The following BMP5 variants were observed in gnomAD, a reference collection of about 807,000 sequenced individuals.
BMP5 encodes the protein bone morphogenetic protein 5.
A neutral mutation model predicts 46.6 loss-of-function variants in BMP5; 23 were observed. The observed-to-expected ratio is 0.49, with a 90% confidence interval of 0.35 to 0.70. The LOEUF (loss-of-function observed/expected upper bound fraction) is 0.70, where lower values mean the gene tolerates loss of function less well. BMP5 is among the 30% of genes least tolerant of loss of function. BMP5 has a pLI of 0.00. For synonymous variants in BMP5, 204 were observed against 191.9 expected (o/e 1.06, Z -0.52); for missense variants, 545 against 565.6 (o/e 0.96, Z 0.37).
intron 2 of BMP5, among the ~76,000 whole-genome samples, chr6:55,815,133 C>CAAAAAAA (rs35015007): frequency 6.4e-5 from 5 of 77,946 alleles, no homozygotes; most frequent in African/African-American, 9.4e-5. Context: ...AACTCCATCT[C>CAAAAAAA]AAAAAAAAAA....
rs186892914 is a variant in BMP5, at chr6:55,772,348, G to A, written c.1027+1701C>T. On this transcript the variant is annotated intron_variant, in intron 4 of 6. Transcript: ENST00000370830. ...AGGACTTTGATGATTTCAGTCACCG[G>A]AACACCTCTGCCAGAGTCATTATGA... Among the ~76,000 whole-genome samples the A allele has an allele frequency of 2.0e-5, 3 of 151,798 alleles. No homozygotes were observed. The South Asian group carries it at 6.2e-4, about 31-fold the overall frequency.
intron 1 of BMP5, among the ~76,000 whole-genome samples, chr6:55,830,741 A>G (rs191252680): frequency 6.6e-6 from 1 of 152,242 alleles, no homozygotes; most frequent in Admixed American, 6.6e-5. Flanking sequence ...TAAATTTACA[A>G]TAGAAAAGGC....
intron 4 of BMP5, among the ~76,000 whole-genome samples, chr6:55,766,140 A>G (rs1774911485): frequency 2.0e-5 from 3 of 152,126 alleles, no homozygotes; most frequent in Non-Finnish European, 2.9e-5. Flanking sequence ...TAATCTAGGT[A>G]TCCTGTTGGA....
chr6:55,864,028 A>G (rs1777581985), intron 1 of BMP5, among the ~76,000 whole-genome samples: 1 of 151,894 alleles, frequency 6.6e-6, no homozygotes, highest in Non-Finnish European at 1.5e-5. Context: ...CCGTGAATGC[A>G]TCACACATAT....
intron 3 of BMP5, among the ~76,000 whole-genome samples, chr6:55,779,302 C>A (rs1775251347): frequency 6.6e-6 from 1 of 152,030 alleles, no homozygotes. Flanking sequence ...TAATTGACTG[C>A]TTAACCCAAA....
chr6:55,801,474 C>T (rs1582076034), intron 2 of BMP5, among the ~76,000 whole-genome samples: 1 of 152,156 alleles, frequency 6.6e-6, no homozygotes, highest in African/African-American at 2.4e-5. Flanking sequence ...TCATGGGTTC[C>T]AGATTATCTT....
intron 1 of BMP5, among the ~76,000 whole-genome samples, chr6:55,858,981 A>G (rs1049994555): frequency 3.3e-5 from 5 of 152,152 alleles, no homozygotes; most frequent in Non-Finnish European, 5.9e-5. Context: ...GTAGGGGGCA[A>G]AGGGAGGGAG....
chr6:55,767,120 G>A (rs578184503), intron 4 of BMP5, among the ~76,000 whole-genome samples: 1 of 152,036 alleles, frequency 6.6e-6, no homozygotes, highest in African/African-American at 2.4e-5. Flanking sequence ...ATGCCTTAAT[G>A]TCTATTGGCA....
At chr6:55,854,298 T>C (rs1777332207) in intron 1 of BMP5, among the ~76,000 whole-genome samples, 1 of 152,124 alleles carries the variant, frequency 6.6e-6, no homozygotes, top group African/African-American at 2.4e-5. Flanking sequence ...ATCATTTTGA[T>C]AAAGTCATTG....
chr6:55,800,239 T>C lies in BMP5; in HGVS notation c.684-5812A>G, dbSNP rs546208610. On this transcript the variant is annotated intron_variant, in intron 2 of 6. Coordinates refer to ENST00000370830, the MANE Select transcript of BMP5 (RefSeq NM_021073.4). ...AGTGATAAAGGCATAATGTCAAAGA[T>C]GCATGAGACAAGTTTGAAGAAAAAG... Among the ~76,000 whole-genome samples, 11 of 152,350 alleles carry C rather than the reference T, an allele frequency of 7.2e-5. No individual in the cohort carries two copies. The South Asian group carries it at 2.1e-3, about 29-fold the overall frequency.
intron 1 of BMP5, among the ~76,000 whole-genome samples, chr6:55,829,625 C>T (rs1006791805): frequency 5.3e-5 from 8 of 151,530 alleles, no homozygotes; most frequent in Admixed American, 2.0e-4. Context: ...AAAACATATG[C>T]TAGTGTAATA....
chr6:55,760,552 T>C lies in BMP5; in HGVS notation c.1028-19A>G. The C allele has an allele frequency of 6.2e-7, 1 of 1,606,800 alleles. No homozygotes were observed. The highest frequency in any genetic ancestry group is 8.5e-7 in the Non-Finnish European group (1 of 1,173,878). On this transcript the variant is annotated intron_variant, in intron 4 of 6. Coordinates refer to ENST00000370830, the MANE Select transcript of BMP5 (RefSeq NM_021073.4). The stretch of plus-strand genomic sequence containing the variant: ...TTATAATCTGAAGATAAAAACCACA[T>C]TTTGAATAAATGGTTGCTTACAGAT...
At chr6:55,820,601 A>T (rs1162690280) in intron 1 of BMP5, among the ~76,000 whole-genome samples, 3 of 151,848 alleles carry the variant, frequency 2.0e-5, no homozygotes, top group Non-Finnish European at 2.9e-5. Context: ...TATTTTTTGT[A>T]GGGGCAGGGT....
chr6:55,755,561 A>G lies in BMP5; in HGVS notation c.1337T>C (p.Met446Thr). 1 of 1,611,164 alleles carries G rather than the reference A, an allele frequency of 6.2e-7. No individual in the cohort carries two copies. Among genetic ancestry groups the G allele is most frequent in the Non-Finnish European group, 8.5e-7 (1 of 1,177,994 alleles). The stretch of plus-strand genomic sequence containing the variant: ...GTGGCAGCCACATGAGCGTACTACC[A>G]TATTTCTATATTTTTTCAAAATGAC... ...SNVILKKYRN[M>T]VVRSCGCH Residue 446 changes from methionine (M) to threonine (T), a missense_variant, in exon 7 of 7, where the codon ATG becomes ACG. By Grantham distance (81) the Met-to-Thr change is moderately conservative. Transcript: ENST00000370830.
rs1330921828 is a variant in BMP5, at chr6:55,794,386, G to T, written c.725C>A (p.Ala242Asp). The T allele has an allele frequency of 1.9e-6, 3 of 1,613,816 alleles. No homozygotes were observed. The highest frequency in any genetic ancestry group is 1.7e-6 in the Non-Finnish European group (2 of 1,179,900). ...LFLLDTRKAQ[A>D]LDVGWLVFDI... Reference sequence around the variant, plus strand: ...AAAGACAAGCCAACCCACATCTAAAGCTTGGGCCTTTCTTGTGTCTAACAA... The same window carrying T: ...AAAGACAAGCCAACCCACATCTAAATCTTGGGCCTTTCTTGTGTCTAACAA... Residue 242 changes from alanine (A) to aspartate (D), a missense_variant, in exon 3 of 7, where the codon GCT becomes GAT. Transcript: ENST00000370830.
At chr6:55,852,671 G>A (rs1777275040) in intron 1 of BMP5, among the ~76,000 whole-genome samples, 1 of 152,020 alleles carries the variant, frequency 6.6e-6, no homozygotes. Flanking sequence ...CCTAAAGAAA[G>A]CAATATTATC....
At chr6:55,797,604 A>AT (rs1775746534) in intron 2 of BMP5, among the ~76,000 whole-genome samples, 1 of 134,336 alleles carries the variant, frequency 7.4e-6, no homozygotes, top group African/African-American at 2.8e-5. Flanking sequence ...GTTTGTGATT[A>AT]TTTTCTTTTC....
intron 1 of BMP5, among the ~76,000 whole-genome samples, chr6:55,820,353 G>A (rs183696624): frequency 2.8e-4 from 43 of 152,212 alleles, no homozygotes; most frequent in African/African-American, 1.0e-3. Flanking sequence ...AAGAAAGATT[G>A]TTTCTAAAAT....
chr6:55,866,626 C>T (rs1326588472), intron 1 of BMP5, among the ~76,000 whole-genome samples: 1 of 152,112 alleles, frequency 6.6e-6, no homozygotes, highest in Admixed American at 6.6e-5. Flanking sequence ...TCTTCTCGTT[C>T]CCATACTGAA....
Sources: allele counts gnomAD v4.1 joint callset (sites outside exome capture counted in the v4.1 genomes callset), GRCh38; gene constraint gnomAD v4.1.1; transcripts MANE v1.5; gene names NCBI Gene and HGNC (gene_info 2026-07-23, HGNC 2026-07-21).